Variants in UBAP2 observed in about 807,000 individuals in gnomAD.
The protein encoded by UBAP2 is ubiquitin associated protein 2.
UBAP2 carries 75 observed loss-of-function variants against 139.6 expected under a neutral mutation model. The observed-to-expected ratio is 0.54, with a 90% CI of 0.45 to 0.65. UBAP2 has a LOEUF of 0.65. Among genes scored for constraint, UBAP2 ranks in the 30% least tolerant of loss-of-function variants. The pLI is 0.00. For missense variants in UBAP2, 1,368 were observed against 1,369.6 expected (o/e 1.00, Z 0.02); for synonymous variants, 526 against 526.2 (o/e 1.00, Z 0.01).
At chr9:34,037,336 T>C (rs567902599) in intron 1 of UBAP2, among the ~76,000 whole-genome samples, 1 of 152,248 alleles carries the variant, frequency 6.6e-6, no homozygotes, top group Admixed American at 6.5e-5. Context: ...GGTTTCACCA[T>C]GTTGGCCAGG....
rs1170560273 is a variant in UBAP2, at chr9:33,923,413, C to T, written c.2862G>A (p.Gln954=). Residue 954 remains glutamine, a synonymous_variant, in exon 25 of 29, where the codon CAG becomes CAA. Transcript: ENST00000379238. ...NLSTPTPPFQ[Q]ASGYGQHGYS... The stretch of plus-strand genomic sequence containing the variant: ...AGCCGTGCTGGCCATAACCACTGGC[C>T]TGCTGGAAGGGAGGTGTGGGAGTGC... 2 of 1,614,032 alleles carry T rather than the reference C, an allele frequency of 1.2e-6. No individual in the cohort carries two copies. The highest frequency in any genetic ancestry group is 3.3e-5 in the Admixed American group (2 of 60,000).
intron 5 of UBAP2, among the ~76,000 whole-genome samples, chr9:33,988,118 A>G (rs1278137573): frequency 1.3e-5 from 2 of 152,088 alleles, no homozygotes; most frequent in African/African-American, 4.8e-5. Flanking sequence ...GTTTTTCCCT[A>G]TAACATAATT....
intron 1 of UBAP2, among the ~76,000 whole-genome samples, chr9:34,020,895 C>A (rs935018170): frequency 2.0e-5 from 3 of 151,966 alleles, no homozygotes; most frequent in African/African-American, 7.3e-5. Context: ...ATCTCCTGAC[C>A]TCGTGATCCA....
chr9:34,039,008 C>T (rs1162174341), intron 1 of UBAP2, among the ~76,000 whole-genome samples: 4 of 150,580 alleles, frequency 2.7e-5, no homozygotes, highest in Non-Finnish European at 4.4e-5. Context: ...TCTGCCCGGC[C>T]GACCCGTCTG....
intron 2 of UBAP2, among the ~76,000 whole-genome samples, chr9:34,009,156 G>A (rs1357996367): frequency 6.6e-6 from 1 of 151,094 alleles, no homozygotes; most frequent in African/African-American, 2.4e-5. Flanking sequence ...CTGGAGCACA[G>A]TGGCACAGTC....
intron 17 of UBAP2, chr9:33,935,506 A>G: frequency 3.3e-6 from 1 of 307,526 alleles, no homozygotes; most frequent in African/African-American, 2.2e-5. Context: ...AGCTTGGGCA[A>G]TCTGCCTGCC....
intron 6 of UBAP2, among the ~76,000 whole-genome samples, chr9:33,977,970 G>A (rs1478687746): frequency 2.9e-5 from 4 of 140,024 alleles, no homozygotes; most frequent in South Asian, 5.0e-4. Context: ...AGCCAAGATC[G>A]CACCACTGCA....
intron 12 of UBAP2, 137 bp downstream of exon 12, chr9:33,953,148 C>T (rs1265700181): frequency 1.2e-6 from 1 of 835,894 alleles, no homozygotes; most frequent in Non-Finnish European, 1.8e-6. Context: ...GGATTACAGG[C>T]ATGAGCCATC....
chr9:33,933,212 G>C (rs1036582022), intron 18 of UBAP2, among the ~76,000 whole-genome samples: 12 of 152,156 alleles, frequency 7.9e-5, no homozygotes, highest in Non-Finnish European at 1.5e-5. Context: ...GCACCCTCTG[G>C]AGGGTGAAGA....
rs377021414 is a variant in UBAP2 at position 33,923,820 on chromosome 9, G to A, written c.2771C>T (p.Ala924Val). The A allele has an allele frequency of 1.2e-6, 2 of 1,614,076 alleles. No homozygotes were observed. The highest frequency in any genetic ancestry group is 2.7e-5 in the African/African-American group (2 of 74,922). Residue 924 changes from alanine to valine, a missense_variant, in exon 24 of 29, where the codon GCC becomes GTC. Coordinates refer to ENST00000379238, the MANE Select transcript of UBAP2 (RefSeq NM_001370062.2). ...GLPYYTGMPS[A>V]FQYGPTMFVP... ...AAACATGGTGGGGCCATACTGGAAG[G>A]CACTGGGCATGCCTGTGTAGTAGGG...
At chr9:33,971,926 G>T (rs565024275) in intron 7 of UBAP2, among the ~76,000 whole-genome samples, 172 bp from the exon 8 acceptor site, 2 of 152,304 alleles carry the variant, frequency 1.3e-5, no homozygotes, top group African/African-American at 4.8e-5. Context: ...CAGCCATGGA[G>T]ATGCAGATGT....
At chr9:34,015,103 T>C (rs1329319731) in intron 2 of UBAP2, among the ~76,000 whole-genome samples, 1 of 152,208 alleles carries the variant, frequency 6.6e-6, no homozygotes, top group South Asian at 2.1e-4. Context: ...ACTATCAAAG[T>C]ATAGTCAAAT....
chr9:34,030,236 G>A, intron 1 of UBAP2, among the ~76,000 whole-genome samples: 1 of 151,974 alleles, frequency 6.6e-6, no homozygotes, highest in Non-Finnish European at 1.5e-5. Context: ...ACGGGGTCAG[G>A]AGATCGAGAC....
At position 34,022,433 on chromosome 9, in the gene UBAP2, C is replaced by CTTT. The variant is rs11387718; in HGVS notation, c.-41-5247_-41-5245dup. On this transcript the variant is annotated intron_variant, in intron 1 of 28. Transcript: ENST00000379238. The stretch of plus-strand genomic sequence containing the variant: ...CAGGCTAGGCAACACAGCAAGACCC[C>CTTT]TTTTTTTTTTTTTTTTTTTTTTAAG... 2.0e-3 allele frequency among the ~76,000 whole-genome samples: 226 copies of CTTT among 112,326 alleles called. 1 individual carries two copies. Among genetic ancestry groups the CTTT allele is most frequent in the Admixed American group, 2.9e-3 (29 of 9,922 alleles). The allele number at this position is 112,326 out of a possible 152,430, so 73.7% of individuals were successfully genotyped here.
At position 33,995,376 on chromosome 9, in the gene UBAP2, A is replaced by AAT. The variant is rs1439298076; in HGVS notation, c.288+845_288+846dup. The AAT allele has an allele frequency of 2.1e-5, 3 of 140,780 alleles. No homozygotes were observed. The Admixed American group carries it at 2.3e-4, about 11-fold the overall frequency. 8.7% of individuals were successfully genotyped at this position (140,780 alleles called of 1,614,324 possible). A position where few individuals can be genotyped will look rare whatever the true frequency, so the allele number is the denominator to read the frequency against. On this transcript the variant is annotated intron_variant, in intron 4 of 28. Transcript: ENST00000379238. ...TCTCAAAAAAATAAATAAATATATA[A>AAT]ATATATATATTAAATATAAATATAT...
chr9:33,956,063 G>A lies in UBAP2; in HGVS notation c.866+16C>T, dbSNP rs1826536939. 2 of 1,594,432 alleles carry A rather than the reference G, an allele frequency of 1.3e-6. No homozygotes were observed. Among genetic ancestry groups the A allele is most frequent in the Admixed American group, 1.7e-5 (1 of 57,420 alleles). ...ATGCTTTGAATAACAAATATAAGAT[G>A]GCAAAAAGTATTTACCTTTGCCCAG... is the stretch of plus-strand genomic sequence containing the variant. On this transcript the variant is annotated intron_variant, in intron 11 of 28. Coordinates refer to ENST00000379238, the MANE Select transcript of UBAP2 (RefSeq NM_001370062.2).
At chr9:33,927,503 C>T (rs1178879953) in intron 20 of UBAP2, among the ~76,000 whole-genome samples, 2 of 152,170 alleles carry the variant, frequency 1.3e-5, no homozygotes, top group African/African-American at 2.4e-5. Flanking sequence ...GGTCTGCAGT[C>T]GTGGAGCCCA....
chr9:34,035,514 A>AAAAAAAAAAAAATAT, intron 1 of UBAP2, among the ~76,000 whole-genome samples: 1 of 22,492 alleles, frequency 4.4e-5, no homozygotes, highest in South Asian at 9.7e-4. Flanking sequence ...AAAAAAAAAA[A>AAAAAAAAAAAAATAT]ATATATATAT....
chr9:33,966,989 AAC>A (rs1302080303), intron 8 of UBAP2, among the ~76,000 whole-genome samples: 4 of 152,162 alleles, frequency 2.6e-5, no homozygotes, highest in Non-Finnish European at 4.4e-5. Flanking sequence ...TAAATGTCAC[AAC>A]AGTGGGACTA....
Sources: gnomAD v4.1 joint callset for allele counts (sites outside exome capture counted in the v4.1 genomes callset) on GRCh38, gnomAD v4.1.1 for gene constraint, MANE v1.5 for transcripts, NCBI Gene and HGNC (gene_info 2026-07-23, HGNC 2026-07-21) for gene names.